Variants in ZBTB20 observed in about 807,000 individuals in gnomAD.
The protein encoded by ZBTB20 is zinc finger and BTB domain containing 20, also known as zinc finger and BTB domain-containing protein 20.
ZBTB20 carries 9 observed loss-of-function variants against 56.9 expected under a neutral mutation model. The observed-to-expected ratio is 0.16, with a 90% CI of 0.10 to 0.28. The LOEUF is 0.28. Ranked by LOEUF, ZBTB20 falls within the 10% of genes least tolerant of loss-of-function variation. The pLI is 1.00. For synonymous variants in ZBTB20, 417 were observed against 420.7 expected, an observed-to-expected ratio of 0.99 and a Z score of 0.11; for missense variants, 655 against 1,003.0, an observed-to-expected ratio of 0.65 and a Z score of 4.69.
At chr3:114,886,715 A>G (rs2076614967) in intron 4 of ZBTB20, among the ~76,000 whole-genome samples, 1 of 152,196 alleles carries the variant, frequency 6.6e-6, no homozygotes. Flanking sequence ...ATCTATAATG[A>G]GAAGTTTCAG....
intron 4 of ZBTB20, among the ~76,000 whole-genome samples, chr3:114,890,478 A>G (rs902172665): frequency 1.3e-5 from 2 of 152,180 alleles, no homozygotes; most frequent in Non-Finnish European, 2.9e-5. Flanking sequence ...AGAAACCATC[A>G]TTCTGAGCAA....
chr3:115,061,622 C>T lies in ZBTB20; in HGVS notation c.-507+9597G>A, dbSNP rs762053937. Reference sequence around the variant, plus strand: ...TCTCTGAAAATTATGTCATATTCTCCCAAGTAATGCCTCTATCTATTCAGT... The same window carrying T: ...TCTCTGAAAATTATGTCATATTCTCTCAAGTAATGCCTCTATCTATTCAGT... On this transcript the variant is annotated intron_variant, in intron 2 of 11. Coordinates refer to ENST00000675478, the MANE Select transcript of ZBTB20 (RefSeq NM_001348800.3). Among the ~76,000 whole-genome samples, 20 of 152,002 alleles carry T rather than the reference C, an allele frequency of 1.3e-4. No individual in the cohort carries two copies. The East Asian group carries it at 2.9e-3, about 22-fold the overall frequency.
chr3:114,841,745 C>T (rs529796918), intron 4 of ZBTB20, among the ~76,000 whole-genome samples: 97 of 152,148 alleles, frequency 6.4e-4, no homozygotes, highest in African/African-American at 2.3e-3. Context: ...TATGAGGTGT[C>T]TGTGAGTCAT....
rs537190703 is a variant in ZBTB20, at chr3:115,048,738, A to G, written c.-507+22481T>C. Among the ~76,000 whole-genome samples the G allele has an allele frequency of 3.9e-5, 6 of 152,282 alleles. No homozygotes were observed. The East Asian group carries it at 9.6e-4, about 24-fold the overall frequency. ...AAATAGGAAGTGAAACCAATGATTT[A>G]CCCTTTGTTTACAAAGATGTGACTA... On this transcript the variant is annotated intron_variant, in intron 2 of 11. Transcript: ENST00000675478.
chr3:114,832,976 C>T (rs1409369685), intron 4 of ZBTB20, among the ~76,000 whole-genome samples: 1 of 151,992 alleles, frequency 6.6e-6, no homozygotes, highest in Admixed American at 6.6e-5. Context: ...TAACTGTTAG[C>T]CCTTGCATTA....
intron 1 of ZBTB20, among the ~76,000 whole-genome samples, chr3:115,142,659 C>CAA (rs535455119): frequency 0.078 from 8,370 of 107,656 alleles, 359 homozygotes; most frequent in Admixed American, 0.19. Context: ...AAGACTCCAT[C>CAA]AAAAAAAAAA....
At chr3:114,521,596 T>C (rs544856729) in intron 6 of ZBTB20, among the ~76,000 whole-genome samples, 1 of 152,340 alleles carries the variant, frequency 6.6e-6, no homozygotes, top group South Asian at 2.1e-4. Context: ...CTGTCACTTG[T>C]AATATTGCGA....
Position 114,622,215 on chromosome 3 carries a change from T to C in ZBTB20, c.-295+71313A>G, listed in dbSNP as rs78432618. 4.3e-3 allele frequency among the ~76,000 whole-genome samples: 662 copies of C among 152,244 alleles called. 3 individuals carry two copies. The highest frequency in any genetic ancestry group is 0.015 in the African/African-American group (618 of 41,556). The stretch of plus-strand genomic sequence containing the variant: ...GGCAGTTTGAATATTAACTGAGGAA[T>C]GTTAACCTCCTATGTAGGTCTTGGT... On this transcript the variant is annotated intron_variant, in intron 6 of 11. Coordinates refer to ENST00000675478, the MANE Select transcript of ZBTB20 (RefSeq NM_001348800.3).
chr3:114,710,683 C>G (rs2064011870), intron 5 of ZBTB20, among the ~76,000 whole-genome samples: 1 of 152,214 alleles, frequency 6.6e-6, no homozygotes, highest in Non-Finnish European at 1.5e-5. Context: ...CCCCTCCCCA[C>G]TGCCATTGCC....
chr3:114,423,963 C>A (rs183841631), intron 7 of ZBTB20, among the ~76,000 whole-genome samples: 43 of 152,362 alleles, frequency 2.8e-4, no homozygotes, highest in African/African-American at 7.9e-4. Flanking sequence ...CTCATGTGAA[C>A]TGTTTGATCC....
intron 6 of ZBTB20, among the ~76,000 whole-genome samples, chr3:114,582,860 T>C (rs2054796227): frequency 6.6e-6 from 1 of 152,232 alleles, no homozygotes; most frequent in Non-Finnish European, 1.5e-5. Context: ...ATTATTTTGT[T>C]GAATCAAAAG....
intron 4 of ZBTB20, among the ~76,000 whole-genome samples, chr3:114,833,823 C>A (rs551679296): frequency 1.3e-5 from 2 of 151,798 alleles, no homozygotes; most frequent in Non-Finnish European, 2.9e-5. Flanking sequence ...TAAGCCACTG[C>A]ACCTGGCCGA....
At chr3:114,921,671 A>G (rs1307970648) in intron 3 of ZBTB20, among the ~76,000 whole-genome samples, 2 of 139,062 alleles carry the variant, frequency 1.4e-5, no homozygotes, top group African/African-American at 5.4e-5. Flanking sequence ...CAATGAGAAC[A>G]CTTGGACACA....
chr3:114,924,992 T>A (rs1007331204), intron 3 of ZBTB20, among the ~76,000 whole-genome samples: 1 of 147,572 alleles, frequency 6.8e-6, no homozygotes, highest in Non-Finnish European at 1.5e-5. Context: ...TTTTTTTTTT[T>A]TTTTTTTTTT....
intron 6 of ZBTB20, chr3:114,519,646 C>T (rs551443139): frequency 8.5e-5 from 13 of 152,212 alleles, no homozygotes; most frequent in African/African-American, 2.9e-4. Context: ...TTCCCAGTTA[C>T]CATAGAGACT....
Position 114,318,685 on chromosome 3 carries a change from A to G in ZBTB20, c.*20320T>C, listed in dbSNP as rs2078784320. 6.6e-6 allele frequency: 1 copy of G among 152,238 alleles called. No homozygotes were observed. The highest frequency in any genetic ancestry group is 2.4e-5 in the African/African-American group (1 of 41,468). The allele number at this position is 152,238 out of a possible 1,614,324, so 9.4% of individuals were successfully genotyped here. On this transcript the variant is annotated 3_prime_UTR_variant, in exon 12 of 12. Coordinates refer to ENST00000675478, the MANE Select transcript of ZBTB20 (RefSeq NM_001348800.3). ...CAGAGCCCGGCTGTGTCATACAAAA[A>G]AGGGCAACGCACAGCAGGATTTCAG...
intron 3 of ZBTB20, among the ~76,000 whole-genome samples, chr3:114,952,925 G>C (rs74617360): frequency 0.014 from 2,104 of 151,888 alleles, 63 homozygotes; most frequent in African/African-American, 0.049. Flanking sequence ...TGAAGGAAGA[G>C]GAAAAAAAGT....
At chr3:114,614,289 A>G (rs2057763954) in intron 6 of ZBTB20, among the ~76,000 whole-genome samples, 2 of 152,220 alleles carry the variant, frequency 1.3e-5, no homozygotes. Flanking sequence ...AAATGAGAGT[A>G]TTGGGGTAAC....
chr3:114,864,699 C>A (rs2075687953), intron 4 of ZBTB20, among the ~76,000 whole-genome samples: 1 of 152,048 alleles, frequency 6.6e-6, no homozygotes, highest in South Asian at 2.1e-4. Flanking sequence ...ATAGGTAATG[C>A]ATGGAGGAAG....
Sources: gnomAD v4.1 joint callset for allele counts (sites outside exome capture counted in the v4.1 genomes callset) on GRCh38, gnomAD v4.1.1 for gene constraint, MANE v1.5 for transcripts, NCBI Gene and HGNC (gene_info 2026-07-23, HGNC 2026-07-21) for gene names.